The following CCDC7 variants were observed in gnomAD, a reference collection of about 807,000 sequenced individuals.
CCDC7 encodes the protein coiled-coil domain-containing protein 7.
In CCDC7, 183 loss-of-function variants were observed where a neutral mutation model predicts 196.9. That is an observed-to-expected ratio of 0.93 (90% CI 0.82 to 1.05). The LOEUF is 1.05. Among genes scored for constraint, CCDC7 ranks in the 50% least tolerant of loss-of-function variants. The pLI is 0.00. For missense variants in CCDC7, 1,540 were observed against 1,482.2 expected (o/e 1.04, Z -0.64); for synonymous variants, 525 against 484.6 (o/e 1.08, Z -1.10).
At chr10:32,845,688 A>C (rs1216055095) in intron 35 of CCDC7, 62 bp downstream of exon 36, 4 of 1,446,642 alleles carry the variant, frequency 2.8e-6, no homozygotes, top group Non-Finnish European at 3.9e-6. Flanking sequence ...GAGTTAAATT[A>C]AGTGTGGACA....
At chr10:32,736,487 C>T (rs2132986221) in intron 28 of CCDC7, among the ~76,000 whole-genome samples, 1 of 152,138 alleles carries the variant, frequency 6.6e-6, no homozygotes, top group Non-Finnish European at 1.5e-5. Flanking sequence ...TGCGCTGCCC[C>T]CACTAACTCG....
intron 6 of CCDC7, among the ~76,000 whole-genome samples, chr10:32,471,529 A>G (rs946915636): frequency 2.6e-5 from 4 of 152,188 alleles, no homozygotes; most frequent in African/African-American, 9.6e-5. Context: ...TATATTGGAC[A>G]TTGCTAGCTT....
chr10:32,800,891 GCTTC>G (rs1565541797), intron 29 of CCDC7, among the ~76,000 whole-genome samples: 2 of 152,146 alleles, frequency 1.3e-5, no homozygotes, highest in African/African-American at 4.8e-5. Flanking sequence ...AATGCAGTGG[GCTTC>G]CTAGCAATTT....
chr10:32,832,667 T>TA lies in CCDC7; in HGVS notation c.3269-2140dup, dbSNP rs1208142268. ...ATTAGTTGGTATCAGGCCGTGTTATTAAAAAAAACTTAAGAAAGTTCCTCA... is the reference window on the plus strand; with the variant it reads ...ATTAGTTGGTATCAGGCCGTGTTATTAAAAAAAAACTTAAGAAAGTTCCTCA... On this transcript the variant is annotated intron_variant, in intron 32 of 41. Transcript: ENST00000639629. 3.9e-5 allele frequency among the ~76,000 whole-genome samples: 6 copies of TA among 152,112 alleles called. No individual in the cohort carries two copies. The East Asian group carries it at 5.8e-4, about 15-fold the overall frequency.
At chr10:32,683,827 G>T (rs1350574077) in intron 21 of CCDC7, among the ~76,000 whole-genome samples, 1 of 152,160 alleles carries the variant, frequency 6.6e-6, no homozygotes, top group East Asian at 1.9e-4. Flanking sequence ...CTGCATTGAG[G>T]GCCAAGGTCG....
In CCDC7 at chr10:32,567,194, AGTCTT is replaced by A. The variant is rs1373861461; in HGVS notation, c.1198-475_1198-471del. On this transcript the variant is annotated intron_variant, in intron 14 of 41. Coordinates refer to ENST00000639629, the Ensembl canonical transcript of CCDC7. ...TTATGAATTTTCTTTTTATTTATAT[AGTCTT>A]TTATATAAGTAAGTTAATTGTATGA... is the stretch of plus-strand genomic sequence containing the variant. Among the ~76,000 whole-genome samples the A allele has an allele frequency of 4.1e-5, 6 of 147,880 alleles. No individual in the cohort carries two copies. The Admixed American group carries it at 4.1e-4, about 10-fold the overall frequency.
At chr10:32,859,524 C>T (rs554085988) in intron 41 of CCDC7, among the ~76,000 whole-genome samples, 69 of 151,986 alleles carry the variant, frequency 4.5e-4, no homozygotes, top group African/African-American at 1.5e-3. Context: ...GAAGCAAGAG[C>T]GAACAAATCC....
At chr10:32,536,319 T>G (rs1429943746) in intron 11 of CCDC7, among the ~76,000 whole-genome samples, 1 of 152,094 alleles carries the variant, frequency 6.6e-6, no homozygotes, top group African/African-American at 2.4e-5. Flanking sequence ...TTACCCCAGC[T>G]AGCCATCAGA....
At chr10:32,497,761 T>C (rs943591993) in intron 9 of CCDC7, among the ~76,000 whole-genome samples, 1 of 152,180 alleles carries the variant, frequency 6.6e-6, no homozygotes, top group African/African-American at 2.4e-5. Flanking sequence ...GAGAGACTTG[T>C]TTGTTATGAT....
chr10:32,645,793 CATTTCCTCTAGGTTTTCCA>C (rs1366660346), intron 20 of CCDC7, among the ~76,000 whole-genome samples: 2 of 151,876 alleles, frequency 1.3e-5, no homozygotes, highest in African/African-American at 4.8e-5. Flanking sequence ...AGAATTTATC[CATTTCCTCTAGGTTTTCCA>C]ATTTGTTGGC....
chr10:32,730,380 TG>T (rs753055054), intron 28 of CCDC7, among the ~76,000 whole-genome samples: 4 of 152,128 alleles, frequency 2.6e-5, no homozygotes, highest in Admixed American at 6.6e-5. Context: ...TTCTCCTACA[TG>T]GTATGTTTCT....
intron 28 of CCDC7, among the ~76,000 whole-genome samples, chr10:32,763,087 G>A (rs2077706331): frequency 6.6e-6 from 1 of 151,814 alleles, no homozygotes; most frequent in Admixed American, 6.6e-5. Flanking sequence ...CAGATTCAGA[G>A]AAAACATTCG....
At chr10:32,625,484 A>G (rs2063921161) in intron 18 of CCDC7, among the ~76,000 whole-genome samples, 1 of 151,848 alleles carries the variant, frequency 6.6e-6, no homozygotes, top group Non-Finnish European at 1.5e-5. Flanking sequence ...TTATAGCTGT[A>G]TTTATTATGG....
intron 28 of CCDC7, among the ~76,000 whole-genome samples, chr10:32,745,097 C>T (rs2074486025): frequency 6.6e-6 from 1 of 152,132 alleles, no homozygotes; most frequent in African/African-American, 2.4e-5. Flanking sequence ...ATCAAATTGC[C>T]TTTGCTCCTT....
chr10:32,716,074 G>A (rs1003113529), intron 25 of CCDC7, among the ~76,000 whole-genome samples: 1 of 152,094 alleles, frequency 6.6e-6, no homozygotes, highest in South Asian at 2.1e-4. Flanking sequence ...TACTCCCCGA[G>A]TAGAGCAACC....
intron 9 of CCDC7, among the ~76,000 whole-genome samples, chr10:32,508,840 C>T (rs1193944750): frequency 2.6e-5 from 4 of 151,986 alleles, no homozygotes; most frequent in Admixed American, 6.6e-5. Flanking sequence ...ACCATGTTGG[C>T]CAGGCTGGTT....
chr10:32,622,588 A>C (rs938264577), intron 18 of CCDC7, among the ~76,000 whole-genome samples: 17 of 152,000 alleles, frequency 1.1e-4, no homozygotes, highest in Admixed American at 1.3e-4. Context: ...AGTGTTTCTC[A>C]ACCTCTGCAC....
intron 8 of CCDC7, among the ~76,000 whole-genome samples, chr10:32,488,937 T>C (rs2041714009): frequency 6.6e-6 from 1 of 152,176 alleles, no homozygotes; most frequent in Admixed American, 6.5e-5. Flanking sequence ...AGTTTAGTGT[T>C]CATGTAGCTT....
At chr10:32,524,436 A>G (rs1223554123) in intron 11 of CCDC7, among the ~76,000 whole-genome samples, 2 of 152,032 alleles carry the variant, frequency 1.3e-5, no homozygotes, top group Non-Finnish European at 2.9e-5. Flanking sequence ...GTGTTACATG[A>G]TTCTGTGTTT....
Sources: gnomAD v4.1 joint callset for allele counts (sites outside exome capture counted in the v4.1 genomes callset) on GRCh38, gnomAD v4.1.1 for gene constraint, MANE v1.5 for transcripts, NCBI Gene and HGNC (gene_info 2026-07-23, HGNC 2026-07-21) for gene names.